The following BTD variants were observed in gnomAD, a reference collection of about 807,000 sequenced individuals.
BTD encodes biocytinase.
BTD carries 13 observed loss-of-function variants against 17.7 expected under a neutral mutation model. The ratio of observed to expected loss-of-function variants is 0.74; its 90% CI spans 0.48 to 1.17. BTD has a LOEUF of 1.17. BTD is among the 50% of genes most tolerant of loss of function. The probability of loss-of-function intolerance (pLI) is 0.00; values close to 1 mark genes in which losing one functional copy is unlikely to be tolerated. For missense variants in BTD, 674 were observed against 650.4 expected, an observed-to-expected ratio of 1.04 and a Z score of -0.39; for synonymous variants, 240 against 245.2, an observed-to-expected ratio of 0.98 and a Z score of 0.20.
Position 15,700,300 on chromosome 3 carries a change from G to GT in BTD, c.400-9759dup, listed in dbSNP as rs200733327. Among the ~76,000 whole-genome samples, 618 of 152,232 alleles carry GT rather than the reference G, an allele frequency of 4.1e-3. 1 individual carries two copies. The highest frequency in any genetic ancestry group is 0.023 in the East Asian group (118 of 5,172). On this transcript the variant is annotated intron_variant, in intron 3 of 3. Transcript: ENST00000672141. The stretch of plus-strand genomic sequence containing the variant: ...CATCATACACCGGGGCCTGTCCGGG[G>GT]TGGGGGCCTGGGGGAGGGATAGCAT...
At chr3:15,684,932 T>C (rs751281276) in intron 3 of BTD, 1 of 319,270 alleles carries the variant, frequency 3.1e-6, no homozygotes, top group Non-Finnish European at 5.9e-6. Context: ...AAGACCAGCC[T>C]GGGCAACATA....
Position 15,676,141 on chromosome 3 carries a change from G to A in BTD, c.400-33919G>A, listed in dbSNP as rs140327002. 5 of 526,970 alleles carry A rather than the reference G, an allele frequency of 9.5e-6. No homozygotes were observed. The East Asian group carries it at 1.5e-4, about 16-fold the overall frequency. The allele number at this position is 526,970 out of a possible 1,614,324, so 32.6% of individuals were successfully genotyped here. On this transcript the variant is annotated intron_variant, in intron 3 of 3. Transcript: ENST00000672141. ...AGTCCTAATAACAAAGATGGGGGCA[G>A]GGAGAGCAGAACCTCTGTGCAGTGC...
intron 3 of BTD, among the ~76,000 whole-genome samples, chr3:15,659,936 C>T (rs1456875359): frequency 6.6e-6 from 1 of 152,190 alleles, no homozygotes; most frequent in African/African-American, 2.4e-5. Context: ...GCCCAAAGGT[C>T]ACACAGCCAA....
At chr3:15,679,268 C>T in intron 3 of BTD, 1 of 1,601,066 alleles carries the variant, frequency 6.2e-7, no homozygotes, top group Non-Finnish European at 8.6e-7. Context: ...CTGTGCCTGG[C>T]TAAAACTATT....
At chr3:15,695,845 G>C (rs2069462433) in intron 3 of BTD, among the ~76,000 whole-genome samples, 1 of 152,006 alleles carries the variant, frequency 6.6e-6, no homozygotes, top group African/African-American at 2.4e-5. Context: ...TAGTTTTTTA[G>C]AAACTTATGA....
intron 3 of BTD, among the ~76,000 whole-genome samples, chr3:15,672,968 G>A (rs1294268704): frequency 6.6e-6 from 1 of 152,192 alleles, no homozygotes; most frequent in African/African-American, 2.4e-5. Flanking sequence ...TAGAGACGGG[G>A]TTTTGCCATG....
exon 4 of BTD, chr3:15,712,237 A>G (rs776624513): frequency 1.0e-5 from 16 of 1,549,430 alleles, no homozygotes; most frequent in Non-Finnish European, 7.0e-6. Flanking sequence ...AGTTAATAGA[A>G]CAGGACAGTA....
In BTD at chr3:15,610,651, T is replaced by C. The variant is rs142678571; in HGVS notation, c.-17+8757T>C. Reference sequence around the variant, plus strand: ...TCCTATCCTAACACCAATCCCACACTATCTTAATTTCTGTGTTTTTAAAAT... The same window carrying C: ...TCCTATCCTAACACCAATCCCACACCATCTTAATTTCTGTGTTTTTAAAAT... On this transcript the variant is annotated intron_variant, in intron 1 of 3. Coordinates refer to ENST00000643237, the MANE Select transcript of BTD (RefSeq NM_001370658.1). Among the ~76,000 whole-genome samples, 835 of 152,348 alleles carry C rather than the reference T, an allele frequency of 5.5e-3. 4 individuals are homozygous for C. The highest frequency in any genetic ancestry group is 0.018 in the African/African-American group (758 of 41,576).
intron 3 of BTD, among the ~76,000 whole-genome samples, chr3:15,666,739 C>G (rs552021671): frequency 6.6e-6 from 1 of 152,136 alleles, no homozygotes; most frequent in African/African-American, 2.4e-5. Context: ...CTACTCTATC[C>G]CAGAGCGCCC....
chr3:15,674,174 C>CAAAAAAAAAAAAAAAA (rs34806568), intron 3 of BTD, among the ~76,000 whole-genome samples: 4 of 40,286 alleles, frequency 9.9e-5, no homozygotes, highest in Non-Finnish European at 1.7e-4. Context: ...CCTGCCTCTT[C>CAAAAAAAAAAAAAAAA]AAAAAAAAAA....
At chr3:15,694,916 T>C (rs1475262653) in intron 3 of BTD, 3 of 1,068,184 alleles carry the variant, frequency 2.8e-6, no homozygotes, top group South Asian at 1.4e-5. Flanking sequence ...ATTTGGCAAC[T>C]CAGCAAACTT....
chr3:15,679,218 C>CT lies in BTD; in HGVS notation c.400-30840dup, dbSNP rs2067269403. 8 of 1,348,438 alleles carry CT rather than the reference C, an allele frequency of 5.9e-6. No homozygotes were observed. The South Asian group carries it at 9.5e-5, about 16-fold the overall frequency. 83.5% of individuals were successfully genotyped at this position (1,348,438 alleles called of 1,614,324 possible). On this transcript the variant is annotated intron_variant, in intron 3 of 3. Coordinates refer to the BTD transcript ENST00000672141. ...CTCCTGGCTTCAAGTCATCCTCCCA[C>CT]TTCAGCCTCCCAGATTGTTAGGATT...
In BTD at chr3:15,709,953, G is replaced by A. The variant is rs554286159; in HGVS notation, c.400-107G>A. ...TTGGCACACTGAGGAAATAACACAC[G>A]ATTCATGTTGTCATTGTTTAAAAGG... On this transcript the variant is annotated intron_variant, in intron 3 of 3. Coordinates refer to the BTD transcript ENST00000672141. Among the ~76,000 whole-genome samples, 16 of 152,018 alleles carry A rather than the reference G, an allele frequency of 1.1e-4. No individual in the cohort carries two copies. The South Asian group carries it at 2.9e-3, about 28-fold the overall frequency.
chr3:15,697,289 T>C (rs922742713), intron 3 of BTD: 6 of 153,046 alleles, frequency 3.9e-5, no homozygotes, highest in East Asian at 1.9e-4. Context: ...CAGGGGGAAG[T>C]TCCCAAATTG....
downstream of BTD, chr3:15,714,543 AAAAACCCC>A: frequency 6.7e-7 from 1 of 1,491,320 alleles, no homozygotes; most frequent in East Asian, 2.3e-5. Context: ...AAAAAAAAAA[AAAAACCCC>A]AAAAAAAAAA....
At position 15,644,984 on chromosome 3, in the gene BTD, G is replaced by A. The variant is rs891263072; in HGVS notation, c.1068G>A (p.Gln356=). The A allele has an allele frequency of 6.2e-7, 1 of 1,614,196 alleles. No homozygotes were observed. Among genetic ancestry groups the A allele is most frequent in the South Asian group, 1.1e-5 (1 of 91,084 alleles). The change falls in exon 4 of 4, where the codon CAG becomes CAA. Residue 356 remains glutamine, a synonymous_variant. Transcript: ENST00000643237. The part of the protein sequence containing the change: ...SGDPYCEKDA[Q]EVHCDEATKW... ...ATCCGTACTGTGAGAAGGATGCTCAGGAAGTCCACTGTGATGAGGCCACCA... is the reference window on the plus strand; with the variant it reads ...ATCCGTACTGTGAGAAGGATGCTCAAGAAGTCCACTGTGATGAGGCCACCA...
intron 3 of BTD, among the ~76,000 whole-genome samples, chr3:15,704,718 T>G (rs1044643246): frequency 6.6e-6 from 1 of 152,150 alleles, no homozygotes; most frequent in Non-Finnish European, 1.5e-5. Flanking sequence ...TTTTACAATT[T>G]AAGAAAAATA....
intron 3 of BTD, among the ~76,000 whole-genome samples, chr3:15,688,231 T>C (rs921632269): frequency 3.3e-5 from 5 of 152,234 alleles, no homozygotes; most frequent in Admixed American, 1.3e-4. Flanking sequence ...TTTCTAGCTA[T>C]AGATTAATAT....
rs574747895 is a variant in BTD, at chr3:15,650,826, A to G, written c.*5338A>G. ...GCTCTGTCGCCCGGGCAGGAGTGCA[A>G]TGGCATGATCTCGGCTCACTGCAAG... is the stretch of plus-strand genomic sequence containing the variant. On this transcript the variant is annotated 3_prime_UTR_variant, in exon 4 of 4. Transcript: ENST00000643237. 6.6e-6 allele frequency among the ~76,000 whole-genome samples: 1 copy of G among 152,226 alleles called. No homozygotes were observed. The highest frequency in any genetic ancestry group is 1.9e-4 in the East Asian group (1 of 5,184).
Sources: gnomAD v4.1 joint callset for allele counts (sites outside exome capture counted in the v4.1 genomes callset) on GRCh38, gnomAD v4.1.1 for gene constraint, MANE v1.5 for transcripts, NCBI Gene and HGNC (gene_info 2026-07-23, HGNC 2026-07-21) for gene names.